HSPA12A: variants seen among roughly 807,000 people sequenced by gnomAD.
HSPA12A encodes heat shock 70 kDa protein 12A.
HSPA12A carries 28 observed loss-of-function variants against 69.2 expected under a neutral mutation model. The observed-to-expected ratio is 0.40, with a 90% CI of 0.30 to 0.55. HSPA12A has a LOEUF of 0.55. Ranked by LOEUF, HSPA12A falls within the 20% of genes least tolerant of loss-of-function variation. HSPA12A has a pLI of 0.38. For synonymous variants in HSPA12A, 345 were observed against 370.5 expected, an observed-to-expected ratio of 0.93 and a Z score of 0.79; for missense variants, 686 against 900.7, an observed-to-expected ratio of 0.76 and a Z score of 3.05.
intron 2 of HSPA12A, among the ~76,000 whole-genome samples, chr10:116,789,441 G>C (rs1844653867): frequency 6.6e-6 from 1 of 152,016 alleles, no homozygotes; most frequent in Non-Finnish European, 1.5e-5. Context: ...ATGAGTATAA[G>C]TTGTAGCTTT....
intron 2 of HSPA12A, among the ~76,000 whole-genome samples, chr10:116,786,190 G>C (rs1029342313): frequency 2.0e-5 from 3 of 152,224 alleles, no homozygotes; most frequent in African/African-American, 4.8e-5. Flanking sequence ...TTGCATGGAA[G>C]GCAGGGCTCC....
At chr10:116,757,758 C>G (rs908096966) in intron 2 of HSPA12A, among the ~76,000 whole-genome samples, 1 of 152,154 alleles carries the variant, frequency 6.6e-6, no homozygotes, top group Non-Finnish European at 1.5e-5. Flanking sequence ...GAAGATTAAA[C>G]GAGTTCATAC....
At chr10:116,784,013 T>C (rs1250163010) in intron 2 of HSPA12A, among the ~76,000 whole-genome samples, 3 of 152,132 alleles carry the variant, frequency 2.0e-5, no homozygotes, top group Non-Finnish European at 4.4e-5. Flanking sequence ...CCATTTATGG[T>C]TTTTAAAATT....
chr10:116,687,817 G>A (rs1849618666), intron 6 of HSPA12A, among the ~76,000 whole-genome samples: 1 of 152,144 alleles, frequency 6.6e-6, no homozygotes, highest in Admixed American at 6.5e-5. Context: ...CTACTCCCAC[G>A]TGAGCCCTCC....
At chr10:116,747,308 G>A (rs570623592), upstream of HSPA12A, among the ~76,000 whole-genome samples, 1 of 152,348 alleles carries the variant, frequency 6.6e-6, no homozygotes, top group East Asian at 1.9e-4. Context: ...CTTTAGAAAT[G>A]CCTTCTCAGG....
chr10:116,776,636 G>A (rs1014208013), intron 2 of HSPA12A, among the ~76,000 whole-genome samples: 5 of 152,058 alleles, frequency 3.3e-5, no homozygotes, highest in Non-Finnish European at 5.9e-5. Context: ...AGAATCCACC[G>A]CTTCCCTGAA....
At chr10:116,809,612 A>T (rs1044305364) in intron 2 of HSPA12A, among the ~76,000 whole-genome samples, 1 of 152,048 alleles carries the variant, frequency 6.6e-6, no homozygotes, top group Non-Finnish European at 1.5e-5. Context: ...TCATCAACAC[A>T]TTTCAGCGAC....
At chr10:116,753,176 T>C (rs1382088896) in intron 2 of HSPA12A, among the ~76,000 whole-genome samples, 2 of 152,206 alleles carry the variant, frequency 1.3e-5, no homozygotes, top group South Asian at 2.1e-4. Flanking sequence ...GGCATGCTGG[T>C]ATGCTGGCAC....
At chr10:116,797,446 C>G (rs760417671) in intron 2 of HSPA12A, among the ~76,000 whole-genome samples, 7 of 152,112 alleles carry the variant, frequency 4.6e-5, no homozygotes, top group Non-Finnish European at 1.0e-4. Flanking sequence ...ACTCCAGGAG[C>G]CTCACAGGGC....
chr10:116,759,506 C>T (rs1160213766), intron 2 of HSPA12A, among the ~76,000 whole-genome samples: 2 of 152,290 alleles, frequency 1.3e-5, no homozygotes, highest in Non-Finnish European at 2.9e-5. Context: ...ATGGAGTTAC[C>T]TTAATTGGTT....
intron 2 of HSPA12A, among the ~76,000 whole-genome samples, chr10:116,797,045 A>AC (rs1844842235): frequency 6.6e-6 from 1 of 152,146 alleles, no homozygotes; most frequent in Admixed American, 6.5e-5. Context: ...ACAGAAGTGA[A>AC]CCCCACCAGG....
chr10:116,751,772 T>A (rs1851781152), intron 2 of HSPA12A, among the ~76,000 whole-genome samples: 1 of 152,040 alleles, frequency 6.6e-6, no homozygotes, highest in Non-Finnish European at 1.5e-5. Context: ...AGGGGACAGG[T>A]CCCTCATAAA....
rs1850859754 is a variant in HSPA12A at position 116,723,776 on chromosome 10, G to C, written c.41-16491C>G. Among the ~76,000 whole-genome samples the C allele has an allele frequency of 6.6e-6, 1 of 152,202 alleles. No homozygotes were observed. Among genetic ancestry groups the C allele is most frequent in the Admixed American group, 6.5e-5 (1 of 15,290 alleles). ...ACCAGCAGCCCTGCTCCTGCAGTCA[G>C]CCTCTCCACCCGTTCCTTAGATCCC... On this transcript the variant is annotated intron_variant, in intron 1 of 11. Transcript: ENST00000369209. The surrounding 1 kb of genome is among the most constrained non-coding windows in gnomAD (Gnocchi z 4.1).
intron 1 of HSPA12A, among the ~76,000 whole-genome samples, chr10:116,838,339 G>T (rs986444616): frequency 6.6e-6 from 1 of 152,210 alleles, no homozygotes; most frequent in Non-Finnish European, 1.5e-5. Context: ...CCTGCTGCTG[G>T]TCCTCAGGCT....
intron 2 of HSPA12A, among the ~76,000 whole-genome samples, chr10:116,787,455 AAAAAAAAAC>A (rs1323841477): frequency 4.0e-5 from 6 of 150,282 alleles, no homozygotes; most frequent in African/African-American, 1.5e-4. Context: ...AAAAAAAAAA[AAAAAAAAAC>A]CACAGGCGCC....
chr10:116,846,702 C>G (rs1232297570), intron 1 of HSPA12A, among the ~76,000 whole-genome samples: 1 of 152,190 alleles, frequency 6.6e-6, no homozygotes, highest in Non-Finnish European at 1.5e-5. Flanking sequence ...ACAGGAAAAT[C>G]AGATACTATC....
intron 2 of HSPA12A, among the ~76,000 whole-genome samples, chr10:116,766,830 T>C (rs1554889803): frequency 2.0e-5 from 3 of 152,190 alleles, no homozygotes; most frequent in Non-Finnish European, 4.4e-5. Context: ...TGTTGAGACA[T>C]TTCCTTTAAA....
At chr10:116,836,580 C>T (rs1457150950) in intron 1 of HSPA12A, among the ~76,000 whole-genome samples, 6 of 152,156 alleles carry the variant, frequency 3.9e-5, no homozygotes, top group Non-Finnish European at 8.8e-5. Flanking sequence ...AATGTCACAG[C>T]AATTGAAAAG....
At chr10:116,737,346 C>A (rs529156333) in intron 1 of HSPA12A, among the ~76,000 whole-genome samples, 1 of 152,120 alleles carries the variant, frequency 6.6e-6, no homozygotes. Context: ...TCACAGCACC[C>A]CAGTAGAGCA....
Sources: allele counts gnomAD v4.1 joint callset (sites outside exome capture counted in the v4.1 genomes callset), GRCh38; gene constraint gnomAD v4.1.1; non-coding constraint Gnocchi (gnomAD v3.1); transcripts MANE v1.5; gene names NCBI Gene and HGNC (gene_info 2026-07-23, HGNC 2026-07-21).